TGM2: variants seen among roughly 807,000 people sequenced by gnomAD.
TGM2 encodes protein-glutamine gamma-glutamyltransferase 2.
In TGM2, 53 loss-of-function variants were observed where a neutral mutation model predicts 75.6. The ratio of observed to expected loss-of-function variants is 0.70; its 90% CI spans 0.56 to 0.88. TGM2 has a LOEUF of 0.88. TGM2 is among the 40% of genes least tolerant of loss of function. TGM2 has a pLI of 0.00. For missense variants in TGM2, 842 were observed against 928.5 expected (o/e 0.91, Z 1.21); for synonymous variants, 374 against 381.1 (o/e 0.98, Z 0.22).
At chr20:38,156,994 G>A (rs1057448799) in intron 2 of TGM2, among the ~76,000 whole-genome samples, 2 of 152,242 alleles carry the variant, frequency 1.3e-5, no homozygotes, top group Non-Finnish European at 2.9e-5. Flanking sequence ...TCCAGGTGGA[G>A]GGGAGGGCCC....
At chr20:38,133,732 G>A in intron 10 of TGM2, 1 of 152,312 alleles carries the variant, frequency 6.6e-6, no homozygotes, top group Non-Finnish European at 1.5e-5. Flanking sequence ...AGACCAGCCT[G>A]AGCAACATAG....
chr20:38,167,591 G>C (rs541691072), upstream of TGM2, among the ~76,000 whole-genome samples: 1 of 152,220 alleles, frequency 6.6e-6, no homozygotes, highest in South Asian at 2.1e-4. Context: ...TGCACGCCTC[G>C]ACCTCCCAAA....
At chr20:38,146,460 G>A (rs1159210081) in intron 6 of TGM2, 10 of 557,888 alleles carry the variant, frequency 1.8e-5, no homozygotes, top group Admixed American at 6.5e-5. Context: ...TTTTGAGAAC[G>A]TGGGCTCCAG....
Position 38,161,678 on chromosome 20 carries a change from T to A in TGM2, c.11-79A>T, listed in dbSNP as rs1013414577. The A allele has an allele frequency of 3.0e-5, 46 of 1,536,810 alleles. No homozygotes were observed. In the East Asian group the frequency reaches 1.0e-3, roughly 35 times the overall value. On this transcript the variant is annotated intron_variant, in intron 1 of 12. Transcript: ENST00000361475. ...GTGATGCACCTGCCCTCCCTAGACA[T>A]GGGGGCCTTGTGCCCTCTTACTCCC...
At chr20:38,135,773 G>T (rs573655439) in intron 10 of TGM2, among the ~76,000 whole-genome samples, 1 of 152,266 alleles carries the variant, frequency 6.6e-6, no homozygotes, top group South Asian at 2.1e-4. Flanking sequence ...AAGGTCCCGG[G>T]CTTCTCGCCT....
At chr20:38,164,542 C>G (rs144756223) in intron 1 of TGM2, among the ~76,000 whole-genome samples, 265 of 152,260 alleles carry the variant, frequency 1.7e-3, no homozygotes, top group African/African-American at 6.1e-3. Context: ...AGGGCACGGT[C>G]AGGGTGACAG....
In TGM2 at chr20:38,129,476, G is replaced by A. The variant is rs1471729955; in HGVS notation, c.*743C>T. 3.3e-5 allele frequency: 5 copies of A among 152,244 alleles called. No homozygotes were observed. Among genetic ancestry groups the A allele is most frequent in the Non-Finnish European group, 7.3e-5 (5 of 68,070 alleles). 9.4% of individuals were successfully genotyped at this position (152,244 alleles called of 1,614,324 possible). A position where few individuals can be genotyped will look rare whatever the true frequency, so the allele number is the denominator to read the frequency against. ...TGCTCTTGGGCCTTCACATTACCCA[G>A]CCTTGCTAATAACCACGAGGCCACT... is the stretch of plus-strand genomic sequence containing the variant. On this transcript the variant is annotated 3_prime_UTR_variant, in exon 13 of 13. Transcript: ENST00000361475.
At chr20:38,140,011 T>C (rs2074951423) in intron 8 of TGM2, among the ~76,000 whole-genome samples, 1 of 152,250 alleles carries the variant, frequency 6.6e-6, no homozygotes, top group African/African-American at 2.4e-5. Context: ...TGCAAGTATT[T>C]GATAAATAAA....
chr20:38,160,743 C>T (rs554395575), intron 2 of TGM2, among the ~76,000 whole-genome samples: 4 of 152,228 alleles, frequency 2.6e-5, no homozygotes, highest in Admixed American at 6.5e-5. Context: ...CTGATTTGGG[C>T]CTGATCCCAG....
chr20:38,164,997 G>A (rs2075295407), intron 1 of TGM2, among the ~76,000 whole-genome samples, 192 bp downstream of exon 1: 1 of 152,236 alleles, frequency 6.6e-6, no homozygotes, highest in East Asian at 1.9e-4. Flanking sequence ...CTGATCCAGG[G>A]AGGCAAGGGT....
Position 38,161,603 on chromosome 20 carries a change from T to C in TGM2, c.11-4A>G, listed in dbSNP as rs1413981767. 5 of 1,613,978 alleles carry C rather than the reference T, an allele frequency of 3.1e-6. No homozygotes were observed. Among genetic ancestry groups the C allele is most frequent in the Non-Finnish European group, 4.2e-6 (5 of 1,180,028 alleles). On this transcript the variant is annotated splice_polypyrimidine_tract_variant and splice_region_variant and intron_variant, in intron 1 of 12. Transcript: ENST00000361475. The stretch of plus-strand genomic sequence containing the variant: ...TCACACCTCTCTAAGACCAGCTCTA[T>C]GGAAACAGAAGGAGACGCATGAGCC...
chr20:38,159,563 G>C (rs2075230257), intron 2 of TGM2, among the ~76,000 whole-genome samples: 1 of 152,070 alleles, frequency 6.6e-6, no homozygotes, highest in African/African-American at 2.4e-5. Flanking sequence ...AAAAAAGAAA[G>C]TAGAAATCAC....
chr20:38,162,414 GAGGAACAA>G (rs1357382494), intron 1 of TGM2, among the ~76,000 whole-genome samples: 5 of 152,178 alleles, frequency 3.3e-5, no homozygotes, highest in Non-Finnish European at 7.4e-5. Context: ...ACCCAGGGCT[GAGGAACAA>G]GTTAAACACA....
At chr20:38,161,680 G>T in intron 1 of TGM2, 81 bp from the exon 2 acceptor site, 5 of 1,524,330 alleles carry the variant, frequency 3.3e-6, no homozygotes, top group Middle Eastern at 1.9e-4. Flanking sequence ...CCTAGACATG[G>T]GGGCCTTGTG....
chr20:38,157,783 G>T (rs1337975123), intron 2 of TGM2, among the ~76,000 whole-genome samples: 1 of 152,230 alleles, frequency 6.6e-6, no homozygotes, highest in Non-Finnish European at 1.5e-5. Flanking sequence ...AGGGTTCCGT[G>T]AGAGAGTTCA....
At chr20:38,156,525 T>G (rs1272065700) in intron 2 of TGM2, among the ~76,000 whole-genome samples, 3 of 152,240 alleles carry the variant, frequency 2.0e-5, no homozygotes, top group Non-Finnish European at 2.9e-5. Context: ...ATCCTCTACC[T>G]GCTAGCGTCC....
In TGM2 at chr20:38,142,039, G is replaced by A. The variant is rs45461693; in HGVS notation, c.995+25C>T. 1,594 of 1,613,770 alleles carry A rather than the reference G, an allele frequency of 9.9e-4. 4 individuals are homozygous for A. The highest frequency in any genetic ancestry group is 9.4e-3 in the Middle Eastern group (57 of 6,060). The stretch of plus-strand genomic sequence containing the variant: ...CATGGGGCCCTCCCTACTGGGCTCC[G>A]ATCCCACCCTGGCCCCCACCTCACC... On this transcript the variant is annotated intron_variant, in intron 7 of 12. Coordinates refer to ENST00000361475, the MANE Select transcript of TGM2 (RefSeq NM_004613.4).
At chr20:38,168,028 A>G (rs193274308), upstream of TGM2, among the ~76,000 whole-genome samples, 31 of 152,314 alleles carry the variant, frequency 2.0e-4, no homozygotes, top group African/African-American at 7.5e-4. Flanking sequence ...TCAGCCCTCA[A>G]TGGATGCTGG....
At chr20:38,139,346 C>T in intron 9 of TGM2, 66 bp downstream of exon 9, 1 of 1,612,164 alleles carries the variant, frequency 6.2e-7, no homozygotes, top group Non-Finnish European at 8.5e-7. Flanking sequence ...CATACACGAG[C>T]CTGCCGGGCT....
Sources: gnomAD v4.1 joint callset for allele counts (sites outside exome capture counted in the v4.1 genomes callset) on GRCh38, gnomAD v4.1.1 for gene constraint, MANE v1.5 for transcripts, NCBI Gene and HGNC (gene_info 2026-07-23, HGNC 2026-07-21) for gene names.